HYAL4: variants seen among roughly 807,000 people sequenced by gnomAD.
HYAL4 encodes hyaluronidase 4.
Under a neutral mutation model 35.2 loss-of-function variants are expected in HYAL4, and 37 were observed. The observed-to-expected ratio is 1.05, with a 90% CI of 0.81 to 1.38. HYAL4 has a LOEUF of 1.38. HYAL4 is among the 40% of genes most tolerant of loss of function. The pLI, the probability that HYAL4 is intolerant of heterozygous loss-of-function variation, is 0.00. For missense variants in HYAL4, 572 were observed against 572.4 expected (o/e 1.00, Z 0.01); for synonymous variants, 198 against 203.2 (o/e 0.97, Z 0.22).
the HYAL4 span, among the ~76,000 whole-genome samples, chr7:123,789,608 A>G: frequency 2.0e-5 from 3 of 152,310 alleles, no homozygotes; most frequent in East Asian, 5.8e-4. Flanking sequence ...ATATTCAAAA[A>G]TGACCAACAG....
At chr7:123,786,081 TA>T in the HYAL4 span, among the ~76,000 whole-genome samples, 1 of 152,212 alleles carries the variant, frequency 6.6e-6, no homozygotes, top group East Asian at 1.9e-4. Context: ...ATGCAGGCCA[TA>T]ATACTGCTTA....
the HYAL4 span, among the ~76,000 whole-genome samples, chr7:123,809,393 CT>C: frequency 1.7e-3 from 220 of 129,558 alleles, no homozygotes; most frequent in Middle Eastern, 8.6e-3. Flanking sequence ...TTTTCTTCTT[CT>C]TTTTTTTTTT....
At chr7:123,806,520 C>T in the HYAL4 span, among the ~76,000 whole-genome samples, 4 of 151,988 alleles carry the variant, frequency 2.6e-5, no homozygotes, top group Admixed American at 6.5e-5. Flanking sequence ...CTTGGCTCAC[C>T]GCAACCTCTG....
chr7:123,790,408 G>A, the HYAL4 span, among the ~76,000 whole-genome samples: 357 of 152,258 alleles, frequency 2.3e-3, no homozygotes, highest in African/African-American at 8.1e-3. Context: ...CACAGCTGAT[G>A]TTAGAGTTAG....
the HYAL4 span, among the ~76,000 whole-genome samples, chr7:123,771,901 A>G: frequency 6.6e-6 from 1 of 151,558 alleles, no homozygotes; most frequent in Admixed American, 6.6e-5. Context: ...AGGGCATCAT[A>G]TAAACTGTTG....
the HYAL4 span, among the ~76,000 whole-genome samples, chr7:123,816,602 T>C: frequency 6.6e-6 from 1 of 152,178 alleles, no homozygotes; most frequent in Non-Finnish European, 1.5e-5. Context: ...TTTTGTACTA[T>C]TGGACTTTTT....
At chr7:123,801,413 A>G in the HYAL4 span, among the ~76,000 whole-genome samples, 1 of 152,216 alleles carries the variant, frequency 6.6e-6, no homozygotes, top group Non-Finnish European at 1.5e-5. Flanking sequence ...TAGGTAAACT[A>G]TTTTAAGGTA....
At chr7:123,852,205 G>A (rs980961197) in intron 2 of HYAL4, among the ~76,000 whole-genome samples, 9 of 152,266 alleles carry the variant, frequency 5.9e-5, no homozygotes, top group African/African-American at 2.2e-4. Flanking sequence ...TCACTCTGAT[G>A]ATAGTTTCTT....
chr7:123,776,984 C>T, the HYAL4 span, among the ~76,000 whole-genome samples: 15 of 152,068 alleles, frequency 9.9e-5, no homozygotes, highest in South Asian at 2.1e-4. Context: ...AAAATAATTA[C>T]GGTGAAGGGG....
At chr7:123,863,611 T>C (rs1210600638) in intron 2 of HYAL4, among the ~76,000 whole-genome samples, 1 of 152,204 alleles carries the variant, frequency 6.6e-6, no homozygotes, top group African/African-American at 2.4e-5. Context: ...CAGTCATTCA[T>C]TCAGCAAGAG....
chr7:123,829,874 A>G (rs964356525), intron 1 of HYAL4, among the ~76,000 whole-genome samples: 2 of 152,170 alleles, frequency 1.3e-5, no homozygotes, highest in Non-Finnish European at 2.9e-5. Context: ...AAGCACACAT[A>G]TATTTGGTGG....
chr7:123,771,190 A>C, the HYAL4 span, among the ~76,000 whole-genome samples: 1 of 152,154 alleles, frequency 6.6e-6, no homozygotes, highest in Non-Finnish European at 1.5e-5. Context: ...TGGATAGTTG[A>C]GCTTCAACTG....
chr7:123,768,135 A>G, the HYAL4 span, among the ~76,000 whole-genome samples: 1 of 152,204 alleles, frequency 6.6e-6, no homozygotes, highest in Non-Finnish European at 1.5e-5. Context: ...TTAAAAGAAT[A>G]GGAAAATAAG....
the HYAL4 span, among the ~76,000 whole-genome samples, chr7:123,815,599 A>G: frequency 6.6e-6 from 1 of 152,182 alleles, no homozygotes; most frequent in African/African-American, 2.4e-5. Context: ...TTGTCTTTAG[A>G]CTGAACACAA....
chr7:123,872,001 T>G (rs1806894267), intron 3 of HYAL4, among the ~76,000 whole-genome samples: 1 of 152,206 alleles, frequency 6.6e-6, no homozygotes, highest in Admixed American at 6.5e-5. Flanking sequence ...TTATTATTTA[T>G]TATTAGTTTT....
At chr7:123,837,650 A>T (rs972119810) in intron 1 of HYAL4, among the ~76,000 whole-genome samples, 2 of 149,794 alleles carry the variant, frequency 1.3e-5, no homozygotes, top group African/African-American at 4.9e-5. Context: ...AACATTAGGT[A>T]TATCTTCTAA....
chr7:123,876,613 C>T, intron 4 of HYAL4, 141 bp from the exon 5 acceptor site: 1 of 865,650 alleles, frequency 1.2e-6, no homozygotes, highest in East Asian at 2.6e-5. Flanking sequence ...CTGAACCAAG[C>T]CATTATGTTT....
At chr7:123,857,138 C>T (rs1019580487) in intron 2 of HYAL4, among the ~76,000 whole-genome samples, 2 of 152,130 alleles carry the variant, frequency 1.3e-5, no homozygotes, top group Non-Finnish European at 2.9e-5. Context: ...AGGTGGGATC[C>T]GTTGAGTTAG....
chr7:123,832,324 A>AG (rs1805895947), intron 1 of HYAL4, among the ~76,000 whole-genome samples: 1 of 151,450 alleles, frequency 6.6e-6, no homozygotes, highest in Admixed American at 6.6e-5. Context: ...AACAGGTGGT[A>AG]TTTGGTTACA....
Sources: gnomAD v4.1 joint callset for allele counts (sites outside exome capture counted in the v4.1 genomes callset) on GRCh38, gnomAD v4.1.1 for gene constraint, MANE v1.5 for transcripts, NCBI Gene and HGNC (gene_info 2026-07-23, HGNC 2026-07-21) for gene names.